The following LAMB3 variants were observed in gnomAD, a reference collection of about 807,000 sequenced individuals.
LAMB3 encodes the protein laminin subunit beta 3, also known as laminin subunit beta-3.
In LAMB3, 104 loss-of-function variants were observed where a neutral mutation model predicts 140.3. The ratio of observed to expected loss-of-function variants is 0.74; its 90% confidence interval spans 0.63 to 0.87. The LOEUF (loss-of-function observed/expected upper bound fraction) is 0.87, where lower values mean the gene tolerates loss of function less well. LAMB3 is among the 40% of genes least tolerant of loss of function. The pLI is 0.00. For missense variants in LAMB3, 1,531 were observed against 1,575.2 expected (o/e 0.97, Z 0.47); for synonymous variants, 592 against 602.9 (o/e 0.98, Z 0.26).
intron 9 of LAMB3, among the ~76,000 whole-genome samples, chr1:209,630,195 C>T (rs1666628311): frequency 6.6e-6 from 1 of 152,132 alleles, no homozygotes; most frequent in Non-Finnish European, 1.5e-5. Context: ...AAGAAAGAGC[C>T]CTTTGAATGC....
chr1:209,650,621 G>A (rs1226857436), intron 2 of LAMB3, among the ~76,000 whole-genome samples: 1 of 152,226 alleles, frequency 6.6e-6, no homozygotes, highest in Non-Finnish European at 1.5e-5. Flanking sequence ...CAGTGGCTCT[G>A]GAACCAGCTT....
At chr1:209,627,728 C>A in intron 11 of LAMB3, 149 bp from the exon 12 acceptor site, 1 of 813,350 alleles carries the variant, frequency 1.2e-6, no homozygotes, top group East Asian at 2.7e-5. Context: ...AGGACCCCTG[C>A]GCTGTCCCAC....
chr1:209,627,211 G>A (rs1343987483), intron 12 of LAMB3, among the ~76,000 whole-genome samples, 172 bp downstream of exon 12: 3 of 152,204 alleles, frequency 2.0e-5, no homozygotes, highest in African/African-American at 4.8e-5. Flanking sequence ...TGACGGCCAA[G>A]AGCCACAGAG....
chr1:209,640,856 C>T (rs577983534), intron 3 of LAMB3, among the ~76,000 whole-genome samples: 7 of 152,014 alleles, frequency 4.6e-5, no homozygotes, highest in South Asian at 2.1e-4. Flanking sequence ...CCAAGGCGGG[C>T]GGATCACGAG....
intron 3 of LAMB3, among the ~76,000 whole-genome samples, 155 bp from the exon 4 acceptor site, chr1:209,638,803 A>G (rs977610526): frequency 6.6e-6 from 1 of 152,212 alleles, no homozygotes; most frequent in Non-Finnish European, 1.5e-5. Flanking sequence ...CTCTTAAAAC[A>G]CAGCTATTGA....
rs147708427 is a variant in LAMB3, at chr1:209,623,194, C to T, written c.2359-15G>A. On this transcript the variant is annotated splice_polypyrimidine_tract_variant and intron_variant, in intron 16 of 22. Coordinates refer to ENST00000356082, the MANE Select transcript of LAMB3 (RefSeq NM_000228.3). This position sits in a 1 kb window ranked among gnomAD's most constrained non-coding sequence, Gnocchi z 4.2. ...TTGCCACAGAGCTGTGGACAGATGG[C>T]GGTGTTAAAGAGGCTACCCAAAGCC... 8.1e-4 allele frequency: 1,308 copies of T among 1,613,874 alleles called. 11 individuals carry two copies. In the African/African-American group the frequency reaches 0.014, roughly 18 times the overall value.
At position 209,633,120 on chromosome 1, in the gene LAMB3, A is replaced by C. The variant is rs760011884; in HGVS notation, c.578T>G (p.Leu193Arg). ...RLNGGKVQLN[L>R]MDLVSGIPAT... ...TGGAATCCCAGACACTAAATCCATA[A>C]GGTTAAGTTGGACCTACAGAGGGAA... The change falls in exon 7 of 23, where the codon CTT becomes CGT. Residue 193 changes from leucine to arginine, a missense_variant. Coordinates refer to ENST00000356082, the MANE Select transcript of LAMB3 (RefSeq NM_000228.3). 2 of 1,612,470 alleles carry C rather than the reference A, an allele frequency of 1.2e-6. No homozygotes were observed. Among genetic ancestry groups the C allele is most frequent in the Non-Finnish European group, 1.7e-6 (2 of 1,178,450 alleles).
chr1:209,625,890 G>C lies in LAMB3; in HGVS notation c.1734C>G (p.Cys578Trp), dbSNP rs138710333. The C allele has an allele frequency of 8.1e-6, 13 of 1,613,740 alleles. No individual in the cohort carries two copies. The highest frequency in any genetic ancestry group is 1.0e-5 in the Non-Finnish European group (12 of 1,179,922). ...TCTGGAAGCAAGGGTGGCAGGCCAC[G>C]CACACCGGGTAGCGATTACAGTAGC... ...QRGYCNRYPV[C>W]VACHPCFQTY... Residue 578 changes from cysteine (C) to tryptophan (W), a missense_variant, in exon 14 of 23, where the codon TGC (cysteine) becomes TGG (tryptophan). Cys to Trp is a radical substitution (Grantham distance 215, BLOSUM62 -2). Coordinates refer to ENST00000356082, the MANE Select transcript of LAMB3 (RefSeq NM_000228.3).
At position 209,618,426 on chromosome 1, in the gene LAMB3, G is replaced by C. The variant is rs746024912; in HGVS notation, c.2909+26C>G. Reference sequence around the variant, plus strand: ...AAACGCCAGCTTAATCCTGGGCAGAGAGAAGTTCAGGGCCCAAGGCCATAC... The same window carrying C: ...AAACGCCAGCTTAATCCTGGGCAGACAGAAGTTCAGGGCCCAAGGCCATAC... On this transcript the variant is annotated intron_variant, in intron 19 of 22. Coordinates refer to ENST00000356082, the MANE Select transcript of LAMB3 (RefSeq NM_000228.3). 1.9e-6 allele frequency: 3 copies of C among 1,609,390 alleles called. No homozygotes were observed. In the African/African-American group the frequency reaches 4.0e-5, roughly 21 times the overall value.
Position 209,638,054 on chromosome 1 carries a change from T to C in LAMB3, c.299-73A>G. On this transcript the variant is annotated intron_variant, in intron 4 of 22. Coordinates refer to ENST00000356082, the MANE Select transcript of LAMB3 (RefSeq NM_000228.3). ...CCCAGCCCTGAAGGAAGCCCTGGATTAGACTAGCTCTAGGAACTCAGAAAC... is the reference window on the plus strand; with the variant it reads ...CCCAGCCCTGAAGGAAGCCCTGGATCAGACTAGCTCTAGGAACTCAGAAAC... The C allele has an allele frequency of 4.0e-6, 5 of 1,252,990 alleles. 1 individual carries two copies. In the South Asian group the frequency reaches 6.3e-5, roughly 16 times the overall value. 77.6% of individuals were successfully genotyped at this position (1,252,990 alleles called of 1,614,324 possible). A position where few individuals can be genotyped will look rare whatever the true frequency, so the allele number is the denominator to read the frequency against.
At chr1:209,651,268 C>T (rs2076564447) in intron 1 of LAMB3, 2 of 420,730 alleles carry the variant, frequency 4.8e-6, no homozygotes, top group South Asian at 2.3e-5. Flanking sequence ...GGACCCTGCC[C>T]TACCCCACAC....
chr1:209,616,363 C>T, intron 22 of LAMB3, 108 bp downstream of exon 22: 1 of 1,278,568 alleles, frequency 7.8e-7, no homozygotes, highest in Non-Finnish European at 1.1e-6. Context: ...TGATCTCACT[C>T]CCATAGCACG....
In LAMB3 at chr1:209,634,455, C is replaced by T. The variant is rs747286969; in HGVS notation, c.556G>A (p.Gly186Arg). The change falls in exon 6 of 23, where the codon GGG becomes AGG. Residue 186 changes from glycine to arginine, a missense_variant. Gly to Arg is a moderately radical substitution (Grantham distance 125, BLOSUM62 -2). Transcript: ENST00000356082. Reference sequence around the variant, plus strand: ...GGATTCCCTCTACCTACCTTCCCCCCATTTAGGCGTGCATTAGGCCTCTGA... The same window carrying T: ...GGATTCCCTCTACCTACCTTCCCCCTATTTAGGCGTGCATTAGGCCTCTGA... ...LPQRPNARLNGGKVQLNLMDL... is the reference protein window; with the variant it reads ...LPQRPNARLNRGKVQLNLMDL... The T allele has an allele frequency of 6.2e-7, 1 of 1,614,068 alleles. No homozygotes were observed. Among genetic ancestry groups the T allele is most frequent in the South Asian group, 1.1e-5 (1 of 91,080 alleles).
intron 18 of LAMB3, among the ~76,000 whole-genome samples, chr1:209,621,607 C>G (rs1246049486): frequency 6.6e-6 from 1 of 152,222 alleles, no homozygotes; most frequent in African/African-American, 2.4e-5. Flanking sequence ...TTTTTCAAAA[C>G]ACATTTTACA....
chr1:209,616,671 C>A (rs750249438), intron 21 of LAMB3, 47 bp from the exon 22 acceptor site: 6 of 1,597,246 alleles, frequency 3.8e-6, no homozygotes, highest in Non-Finnish European at 8.6e-7. Flanking sequence ...CATGCAAGGT[C>A]CTAAAGACCT....
intron 3 of LAMB3, among the ~76,000 whole-genome samples, chr1:209,643,138 T>C (rs2076485722): frequency 6.6e-6 from 1 of 152,020 alleles, no homozygotes; most frequent in African/African-American, 2.4e-5. Flanking sequence ...TGAAATAGAG[T>C]AGTTTATGGC....
chr1:209,634,069 G>C (rs372509358), intron 6 of LAMB3, among the ~76,000 whole-genome samples: 15 of 152,210 alleles, frequency 9.9e-5, no homozygotes, highest in Admixed American at 3.3e-4. Context: ...CTACCAAGGT[G>C]AAATGAAATT....
chr1:209,637,738 G>A (rs908044061), intron 5 of LAMB3, among the ~76,000 whole-genome samples, 170 bp downstream of exon 5: 2 of 152,292 alleles, frequency 1.3e-5, no homozygotes, highest in South Asian at 4.2e-4. Context: ...AGGGAGCCAG[G>A]AGGTGCCACT....
intron 3 of LAMB3, among the ~76,000 whole-genome samples, chr1:209,642,930 T>TCTTCTC (rs1486653382): frequency 6.6e-6 from 1 of 152,234 alleles, no homozygotes; most frequent in Non-Finnish European, 1.5e-5. Flanking sequence ...ACCCATGCCT[T>TCTTCTC]CTTCTCCTTC....
Sources: allele counts gnomAD v4.1 joint callset (sites outside exome capture counted in the v4.1 genomes callset), GRCh38; gene constraint gnomAD v4.1.1; non-coding constraint Gnocchi (gnomAD v3.1); transcripts MANE v1.5; gene names NCBI Gene and HGNC (gene_info 2026-07-23, HGNC 2026-07-21).